The following DBF4 variants were observed in gnomAD, a reference collection of about 807,000 sequenced individuals.
The protein encoded by DBF4 is protein DBF4 homolog A.
Under a neutral mutation model 76.6 loss-of-function variants are expected in DBF4, and 25 were observed. The observed-to-expected ratio is 0.33, with a 90% CI of 0.24 to 0.46. The LOEUF (loss-of-function observed/expected upper bound fraction) is 0.46. Ranked by LOEUF, DBF4 falls within the 20% of genes least tolerant of loss-of-function variation. The pLI is 1.00. For synonymous variants in DBF4, 213 were observed against 258.0 expected, an observed-to-expected ratio of 0.83 and a Z score of 1.67; for missense variants, 638 against 760.8, an observed-to-expected ratio of 0.84 and a Z score of 1.90.
intron 1 of DBF4, 100 bp downstream of exon 1, chr7:87,876,878 C>T (rs1195132007): frequency 4.5e-6 from 6 of 1,340,168 alleles, no homozygotes; most frequent in African/African-American, 2.9e-5. Context: ...TCCTCAGCTT[C>T]TTTTCTTCTG....
At chr7:87,902,342 T>G (rs1450571126) in intron 10 of DBF4, among the ~76,000 whole-genome samples, 1 of 152,214 alleles carries the variant, frequency 6.6e-6, no homozygotes, top group Non-Finnish European at 1.5e-5. Flanking sequence ...ATGTTAGGTT[T>G]CATAATGATT....
chr7:87,896,457 T>G lies in DBF4; in HGVS notation c.598-17T>G. On this transcript the variant is annotated splice_polypyrimidine_tract_variant and intron_variant, in intron 6 of 11. Coordinates refer to ENST00000265728, the MANE Select transcript of DBF4 (RefSeq NM_006716.4). ...GTACTTTCAAAGCCAATCTTTTCAC[T>G]ATATATTTTTTTTTAGGGCAAAAGA... is the stretch of plus-strand genomic sequence containing the variant. 1 of 1,607,612 alleles carries G rather than the reference T, an allele frequency of 6.2e-7. No homozygotes were observed. The highest frequency in any genetic ancestry group is 8.5e-7 in the Non-Finnish European group (1 of 1,176,084).
Position 87,909,281 on chromosome 7 carries a change from T to G in DBF4, c.*1118T>G, listed in dbSNP as rs1368383335. ...GATATAAGGCATTTGCCTTTGAGTA[T>G]GTTCTTGTAGGAGTAAGACTACCAC... On this transcript the variant is annotated 3_prime_UTR_variant, in exon 12 of 12. Coordinates refer to ENST00000265728, the MANE Select transcript of DBF4 (RefSeq NM_006716.4). 6.6e-6 allele frequency: 1 copy of G among 152,228 alleles called. No individual in the cohort carries two copies. The highest frequency in any genetic ancestry group is 1.5e-5 in the Non-Finnish European group (1 of 68,042). 9.4% of individuals were successfully genotyped at this position (152,228 alleles called of 1,614,324 possible).
rs2131082440 is a variant in DBF4 at position 87,907,932 on chromosome 7, A to G, written c.1794A>G (p.Lys598=). 6.2e-7 allele frequency: 1 copy of G among 1,612,674 alleles called. No homozygotes were observed. The highest frequency in any genetic ancestry group is 2.2e-5 in the East Asian group (1 of 44,852). The change falls in exon 12 of 12, where the codon AAA becomes AAG. Residue 598 remains lysine (K), a synonymous_variant. Coordinates refer to ENST00000265728, the MANE Select transcript of DBF4 (RefSeq NM_006716.4). ...TGGAACCAAATGCTGAATTTGATAA[A>G]AGAACTGAATTTATTACACAAGAAG... The part of the protein sequence containing the change: ...ENLEPNAEFD[K]RTEFITQEEN...
intron 8 of DBF4, among the ~76,000 whole-genome samples, chr7:87,899,802 A>G (rs905211442): frequency 6.6e-6 from 1 of 152,232 alleles, no homozygotes; most frequent in African/African-American, 2.4e-5. Context: ...TGAAGCATCT[A>G]CGTTAGTCAA....
intron 2 of DBF4, among the ~76,000 whole-genome samples, chr7:87,879,084 G>C (rs535537799): frequency 6.6e-6 from 1 of 152,124 alleles, no homozygotes; most frequent in Non-Finnish European, 1.5e-5. Flanking sequence ...GAGTAGCTAC[G>C]ATTACAGGCA....
chr7:87,891,079 T>A (rs1584360850), intron 6 of DBF4, among the ~76,000 whole-genome samples: 1 of 152,030 alleles, frequency 6.6e-6, no homozygotes, highest in East Asian at 1.9e-4. Flanking sequence ...CCATAAATGT[T>A]CTTATTAGTA....
intron 2 of DBF4, 102 bp from the exon 3 acceptor site, chr7:87,884,877 C>T (rs1839305719): frequency 1.2e-6 from 1 of 827,510 alleles, no homozygotes; most frequent in African/African-American, 1.7e-5. Flanking sequence ...GTTGAGGCTG[C>T]AGTGAGCTAT....
At position 87,885,138 on chromosome 7, in the gene DBF4, T is replaced by C; in HGVS notation, c.379T>C (p.Ser127Pro). The C allele has an allele frequency of 2.5e-6, 4 of 1,609,844 alleles. No homozygotes were observed. The South Asian group carries it at 4.4e-5, about 18-fold the overall frequency. ...ACCTCATCCCAGCCATGATGGAAGT[T>C]CATTTAAGTCACCAGACACAGTAAG... ...TSPHPSHDGS[S>P]FKSPDTVCLS... The change falls in exon 3 of 12, where the codon TCA becomes CCA. Residue 127 changes from serine to proline, a missense_variant. Ser to Pro is a moderately conservative substitution (Grantham distance 74). Coordinates refer to ENST00000265728, the MANE Select transcript of DBF4 (RefSeq NM_006716.4).
rs1342607623 is a variant in DBF4 at position 87,902,989 on chromosome 7, T to G, written c.925-1303T>G. Among the ~76,000 whole-genome samples the G allele has an allele frequency of 2.0e-5, 3 of 152,222 alleles. 1 individual carries two copies. Among genetic ancestry groups the G allele is most frequent in the East Asian group, 3.8e-4 (2 of 5,198 alleles). ...ACAAATAATAAAGTTAGGCTGGAGA[T>G]TCCACCTATTCACAAGGAACTTTGT... is the stretch of plus-strand genomic sequence containing the variant. On this transcript the variant is annotated intron_variant, in intron 10 of 11. Transcript: ENST00000265728.
chr7:87,888,891 T>A (rs1432593137), intron 6 of DBF4, among the ~76,000 whole-genome samples: 2 of 152,242 alleles, frequency 1.3e-5, no homozygotes, highest in Non-Finnish European at 2.9e-5. Context: ...TTCATATTTC[T>A]CAGACCATTC....
At chr7:87,884,639 T>C (rs1248286084) in intron 2 of DBF4, among the ~76,000 whole-genome samples, 1 of 152,240 alleles carries the variant, frequency 6.6e-6, no homozygotes, top group South Asian at 2.1e-4. Context: ...GCTGCTGTTG[T>C]GCTGTTATAG....
At chr7:87,901,409 G>A (rs966771530) in intron 10 of DBF4, among the ~76,000 whole-genome samples, 3 of 152,174 alleles carry the variant, frequency 2.0e-5, no homozygotes, top group Admixed American at 2.0e-4. Flanking sequence ...CAGACTAAGT[G>A]GTAGTAGAAG....
chr7:87,908,034 G>C lies in DBF4; in HGVS notation c.1896G>C (p.Leu632Phe). The C allele has an allele frequency of 6.2e-7, 1 of 1,613,688 alleles. No homozygotes were observed. The highest frequency in any genetic ancestry group is 8.5e-7 in the Non-Finnish European group (1 of 1,179,778). ...FQTSEEKSEF[L>F]GFTSYTEKSG... is the part of the protein sequence containing the mutation. ...CTAGTGAAGAGAAATCAGAATTTTTGGGTTTCACAAGCTACACAGAAAAGA... is the reference window on the plus strand; with the variant it reads ...CTAGTGAAGAGAAATCAGAATTTTTCGGTTTCACAAGCTACACAGAAAAGA... The change falls in exon 12 of 12, where the codon TTG becomes TTC. Residue 632 changes from leucine (L) to phenylalanine (F), a missense_variant. Leu to Phe is a conservative substitution (Grantham distance 22, BLOSUM62 0). Transcript: ENST00000265728.
Position 87,886,830 on chromosome 7 carries a change from TG to T in DBF4, c.400-12del. 1.3e-6 allele frequency: 2 copies of T among 1,509,910 alleles called. No individual in the cohort carries two copies. Among genetic ancestry groups the T allele is most frequent in the Non-Finnish European group, 1.8e-6 (2 of 1,094,886 alleles). 93.5% of individuals were successfully genotyped at this position (1,509,910 alleles called of 1,614,324 possible). On this transcript the variant is annotated splice_polypyrimidine_tract_variant and intron_variant, in intron 3 of 11. Coordinates refer to ENST00000265728, the MANE Select transcript of DBF4 (RefSeq NM_006716.4). ...TTAAGCACTATGTTTTAAATTTTTC[TG>T]GTCTTTTTATAGGTGTGTTTAAGCA...
intron 10 of DBF4, among the ~76,000 whole-genome samples, chr7:87,903,283 T>G (rs1053327838): frequency 3.9e-5 from 6 of 152,202 alleles, no homozygotes; most frequent in African/African-American, 1.4e-4. Flanking sequence ...TTTCACCGTG[T>G]TGGCCAGGAG....
intron 7 of DBF4, 109 bp from the exon 8 acceptor site, chr7:87,897,183 TGG>T (rs1053350179): frequency 1.6e-5 from 16 of 974,736 alleles, no homozygotes; most frequent in Middle Eastern, 2.2e-4. Flanking sequence ...AACTTTAAAG[TGG>T]ATACATAGTT....
rs1181695702 is a variant in DBF4, at chr7:87,900,350, G to T, written c.809+1G>T. 1.9e-6 allele frequency: 3 copies of T among 1,581,306 alleles called. No homozygotes were observed. Among genetic ancestry groups the T allele is most frequent in the Non-Finnish European group, 2.6e-6 (3 of 1,170,358 alleles). On this transcript the variant is annotated splice_donor_variant, in intron 9 of 11. Transcript: ENST00000265728. LOFTEE classifies it high-confidence loss of function. Reference sequence around the variant, plus strand: ...AAAAGCAAACTCAGGTTAAACTAAGGTTGGTTTGAATCTTTACTTTTAGAA... The same window carrying T: ...AAAAGCAAACTCAGGTTAAACTAAGTTTGGTTTGAATCTTTACTTTTAGAA...
chr7:87,894,330 T>C (rs1376534700), intron 6 of DBF4, among the ~76,000 whole-genome samples: 1 of 152,070 alleles, frequency 6.6e-6, no homozygotes, highest in East Asian at 1.9e-4. Context: ...CCTGGTGGCA[T>C]GCGCCTGTAG....
Sources: allele counts gnomAD v4.1 joint callset (sites outside exome capture counted in the v4.1 genomes callset), GRCh38; gene constraint gnomAD v4.1.1; transcripts MANE v1.5; gene names NCBI Gene and HGNC (gene_info 2026-07-23, HGNC 2026-07-21).